SLC4A8: variants seen among roughly 807,000 people sequenced by gnomAD.
SLC4A8 encodes the protein solute carrier family 4 member 8.
A neutral mutation model predicts 125.0 loss-of-function variants in SLC4A8; 40 were observed. That is an observed-to-expected ratio of 0.32 (90% CI 0.25 to 0.42). The LOEUF is 0.42. SLC4A8 is among the 10% of genes least tolerant of loss of function. The pLI is 1.00. For synonymous variants in SLC4A8, 456 were observed against 476.0 expected (o/e 0.96, Z 0.55); for missense variants, 863 against 1,355.1 (o/e 0.64, Z 5.70).
chr12:51,433,884 G>GTTTTTTTTTTTT (rs1565772495), intron 1 of SLC4A8, among the ~76,000 whole-genome samples: 10 of 72,200 alleles, frequency 1.4e-4, no homozygotes, highest in Non-Finnish European at 1.7e-4. Context: ...TTTTTGGTTG[G>GTTTTTTTTTTTT]TTTTTTTTTG....
chr12:51,441,045 A>G, intron 2 of SLC4A8: 1 of 1,145,726 alleles, frequency 8.7e-7, no homozygotes, highest in Non-Finnish European at 1.1e-6. Flanking sequence ...GTCCAATATA[A>G]ATATTAACAA....
At chr12:51,398,503 T>C (rs1948309018) in intron 1 of SLC4A8, among the ~76,000 whole-genome samples, 1 of 152,238 alleles carries the variant, frequency 6.6e-6, no homozygotes, top group African/African-American at 2.4e-5. Flanking sequence ...TCCAAATGCT[T>C]GTAAGATTTT....
At chr12:51,453,439 G>A in intron 4 of SLC4A8, 100 bp from the exon 5 acceptor site, 1 of 1,216,602 alleles carries the variant, frequency 8.2e-7, no homozygotes, top group Non-Finnish European at 1.2e-6. Context: ...TGTTCAGTAT[G>A]ACTATCCAGA....
chr12:51,414,665 G>A (rs928091235), intron 1 of SLC4A8, among the ~76,000 whole-genome samples: 5 of 152,286 alleles, frequency 3.3e-5, no homozygotes, highest in Admixed American at 1.3e-4. Flanking sequence ...TTGTGCCACT[G>A]TACTCTCACC....
At chr12:51,445,002 G>A (rs994218488) in intron 2 of SLC4A8, among the ~76,000 whole-genome samples, 68 of 152,054 alleles carry the variant, frequency 4.5e-4, no homozygotes, top group Non-Finnish European at 1.5e-4. Flanking sequence ...AATCCTTTGC[G>A]GGGTTTGTAG....
At chr12:51,461,406 C>T in intron 9 of SLC4A8, 115 bp downstream of exon 9, 1 of 676,242 alleles carries the variant, frequency 1.5e-6, no homozygotes, top group Non-Finnish European at 2.6e-6. Context: ...GCAATATCTG[C>T]TGGGAAGTAG....
chr12:51,444,096 GATGGGAAAAAA>G (rs1181240417), intron 2 of SLC4A8, among the ~76,000 whole-genome samples: 1 of 152,164 alleles, frequency 6.6e-6, no homozygotes, highest in Non-Finnish European at 1.5e-5. Context: ...TGACGAGTTA[GATGGGAAAAAA>G]ATGGGATTTG....
chr12:51,476,252 C>T (rs752564861), intron 16 of SLC4A8, among the ~76,000 whole-genome samples: 7 of 152,150 alleles, frequency 4.6e-5, no homozygotes, highest in Non-Finnish European at 8.8e-5. Flanking sequence ...GAGGCCCAGG[C>T]GGGTGGATCA....
At chr12:51,437,322 G>A (rs564894125) in intron 1 of SLC4A8, among the ~76,000 whole-genome samples, 2 of 152,286 alleles carry the variant, frequency 1.3e-5, no homozygotes, top group East Asian at 1.9e-4. Context: ...AGGTGATATC[G>A]TTTGGCTATT....
At chr12:51,473,753 C>T (rs1256734164) in intron 14 of SLC4A8, among the ~76,000 whole-genome samples, 1 of 152,164 alleles carries the variant, frequency 6.6e-6, no homozygotes, top group African/African-American at 2.4e-5. Context: ...CCTGGGGAAG[C>T]TAATGGAGTT....
chr12:51,453,459 CTG>C (rs1213039591), intron 4 of SLC4A8, 78 bp from the exon 5 acceptor site: 17 of 1,403,194 alleles, frequency 1.2e-5, no homozygotes, highest in Non-Finnish European at 1.6e-5. Flanking sequence ...ATATCTTCCT[CTG>C]TGGCTCACAT....
chr12:51,425,215 G>A, intron 1 of SLC4A8, 180 bp downstream of exon 1: 1 of 1,399,828 alleles, frequency 7.1e-7, no homozygotes, highest in Non-Finnish European at 9.3e-7. Flanking sequence ...GGCCAGGGCT[G>A]CGAGAGAGTG....
At chr12:51,406,029 A>G (rs981318526) in intron 1 of SLC4A8, among the ~76,000 whole-genome samples, 2 of 152,244 alleles carry the variant, frequency 1.3e-5, no homozygotes, top group African/African-American at 4.8e-5. Flanking sequence ...TAAGACAAAC[A>G]CACCAGAGAG....
chr12:51,492,445 A>G (rs1467224780), intron 19 of SLC4A8, among the ~76,000 whole-genome samples: 1 of 151,650 alleles, frequency 6.6e-6, no homozygotes, highest in Non-Finnish European at 1.5e-5. Context: ...CCCCAGCCCA[A>G]CTCCCACTCC....
intron 1 of SLC4A8, chr12:51,425,284 C>T (rs769065387): frequency 1.0e-5 from 13 of 1,301,262 alleles, no homozygotes; most frequent in Non-Finnish European, 1.2e-5. Flanking sequence ...GCCGCCCGCC[C>T]AGGAGCCCTG....
upstream of SLC4A8, chr12:51,419,988 T>C (rs1948752377): frequency 1.3e-5 from 2 of 152,254 alleles, no homozygotes; most frequent in African/African-American, 4.8e-5. Context: ...ATGAAAATTG[T>C]ATTCTGTAGT....
chr12:51,495,250 G>A (rs1951430539), intron 21 of SLC4A8, 132 bp downstream of exon 21: 1 of 720,468 alleles, frequency 1.4e-6, no homozygotes, highest in East Asian at 2.8e-5. Context: ...TTGCTGTGGA[G>A]CTATTACCAC....
At chr12:51,448,188 GATGT>G (rs1949844811) in intron 2 of SLC4A8, among the ~76,000 whole-genome samples, 1 of 152,224 alleles carries the variant, frequency 6.6e-6, no homozygotes, top group East Asian at 1.9e-4. Flanking sequence ...CATGATCAGA[GATGT>G]AACTAGGAGG....
At chr12:51,489,449 G>T (rs1036547405) in intron 18 of SLC4A8, among the ~76,000 whole-genome samples, 20 of 152,202 alleles carry the variant, frequency 1.3e-4, no homozygotes, top group East Asian at 1.9e-4. Flanking sequence ...GAATGTGTAA[G>T]ACTCAGAGTC....
Sources: allele counts gnomAD v4.1 joint callset (sites outside exome capture counted in the v4.1 genomes callset), GRCh38; gene constraint gnomAD v4.1.1; transcripts MANE v1.5; gene names NCBI Gene and HGNC (gene_info 2026-07-23, HGNC 2026-07-21).